Variants in AAMDC observed in about 807,000 individuals in gnomAD.
AAMDC encodes the protein mth938 domain-containing protein.
AAMDC carries 16 observed loss-of-function variants against 15.5 expected under a neutral mutation model. The observed-to-expected ratio is 1.03, with a 90% CI of 0.70 to 1.57. The LOEUF (loss-of-function observed/expected upper bound fraction) is 1.57. AAMDC is among the 40% of genes most tolerant of loss of function. The probability of loss-of-function intolerance (pLI) is 0.00; values close to 1 mark genes in which losing one functional copy is unlikely to be tolerated. For missense variants in AAMDC, 141 were observed against 144.9 expected (o/e 0.97, Z 0.14); for synonymous variants, 51 against 51.6 (o/e 0.99, Z 0.05).
At chr11:77,893,689 T>TA (rs1389289493) in intron 5 of AAMDC, among the ~76,000 whole-genome samples, 4 of 151,990 alleles carry the variant, frequency 2.6e-5, no homozygotes, top group Non-Finnish European at 5.9e-5. Flanking sequence ...GGTCAGGAGT[T>TA]AGAGACCAGC....
At position 77,868,692 on chromosome 11, in the gene AAMDC, GTTGTTGTTT is replaced by G. The variant is rs545867165; in HGVS notation, c.133-1027_133-1019del. On this transcript the variant is annotated intron_variant, in intron 2 of 3. Coordinates refer to ENST00000393427, the MANE Select transcript of AAMDC (RefSeq NM_024684.4). ...AGAGGTTTTTGTTGTTGTTGTTGTT[GTTGTTGTTT>G]TTTAACACAAATTATGGCGTGAATT... 7.3e-3 allele frequency: 1,392 copies of G among 191,710 alleles called. 10 individuals carry two copies. Among genetic ancestry groups the G allele is most frequent in the Non-Finnish European group, 0.011 (965 of 86,964 alleles). The allele number at this position is 191,710 out of a possible 1,614,324, so 11.9% of individuals were successfully genotyped here. A position where few individuals can be genotyped will look rare whatever the true frequency, so the allele number is the denominator to read the frequency against.
At chr11:77,902,793 G>T (rs949720784), downstream of AAMDC, among the ~76,000 whole-genome samples, 3 of 152,160 alleles carry the variant, frequency 2.0e-5, no homozygotes, top group African/African-American at 4.8e-5. Context: ...AAAGGGGAAT[G>T]ACTCAAAGCT....
At chr11:77,823,231 A>G (rs931056576) in intron 1 of AAMDC, among the ~76,000 whole-genome samples, 1 of 150,936 alleles carries the variant, frequency 6.6e-6, no homozygotes, top group Non-Finnish European at 1.5e-5. Flanking sequence ...AAAAAAAAAA[A>G]AAAGAAATTA....
chr11:77,865,452 G>C (rs1307548328), intron 2 of AAMDC, among the ~76,000 whole-genome samples: 1 of 152,188 alleles, frequency 6.6e-6, no homozygotes, highest in African/African-American at 2.4e-5. Flanking sequence ...GCTCTAACTT[G>C]CAAGGAAGAG....
intron 5 of AAMDC, among the ~76,000 whole-genome samples, chr11:77,889,385 G>C (rs560808365): frequency 1.3e-5 from 2 of 149,728 alleles, no homozygotes; most frequent in Middle Eastern, 3.4e-3. Context: ...ATCACACCCC[G>C]GGGACTGTTG....
At chr11:77,891,661 G>C (rs747952837) in intron 5 of AAMDC, 3 of 1,611,274 alleles carry the variant, frequency 1.9e-6, no homozygotes, top group Non-Finnish European at 2.5e-6. Flanking sequence ...TTGGCCTACA[G>C]GGGCCAAATA....
intron 5 of AAMDC, among the ~76,000 whole-genome samples, chr11:77,887,253 C>A (rs1247418749): frequency 6.6e-6 from 1 of 152,164 alleles, no homozygotes; most frequent in African/African-American, 2.4e-5. Context: ...CCCTGGGATG[C>A]AAGGCTGGTT....
At chr11:77,867,243 T>C (rs562920487) in intron 2 of AAMDC, among the ~76,000 whole-genome samples, 1 of 152,332 alleles carries the variant, frequency 6.6e-6, no homozygotes, top group Admixed American at 6.5e-5. Context: ...GTTATCTCTT[T>C]GATAATTTCA....
chr11:77,844,923 A>G (rs1225944282), intron 2 of AAMDC, among the ~76,000 whole-genome samples: 1 of 152,174 alleles, frequency 6.6e-6, no homozygotes, highest in East Asian at 1.9e-4. Flanking sequence ...AGCACTTTCA[A>G]TATGCCATCC....
At chr11:77,848,317 A>AT (rs1478555883) in intron 2 of AAMDC, among the ~76,000 whole-genome samples, 1 of 151,876 alleles carries the variant, frequency 6.6e-6, no homozygotes, top group African/African-American at 2.4e-5. Context: ...GTATATTTCT[A>AT]TTTTTCCCAC....
At chr11:77,826,593 C>G (rs1159176389) in intron 1 of AAMDC, among the ~76,000 whole-genome samples, 3 of 152,162 alleles carry the variant, frequency 2.0e-5, no homozygotes, top group Admixed American at 1.3e-4. Context: ...AGTCGCTACC[C>G]TGAGCCTCCC....
At chr11:77,867,614 C>A (rs899363655) in intron 2 of AAMDC, among the ~76,000 whole-genome samples, 2 of 152,198 alleles carry the variant, frequency 1.3e-5, no homozygotes, top group African/African-American at 4.8e-5. Flanking sequence ...GAAAGGAATG[C>A]TTTGTCTTTG....
At chr11:77,856,481 C>T (rs1305263416) in intron 2 of AAMDC, among the ~76,000 whole-genome samples, 2 of 152,164 alleles carry the variant, frequency 1.3e-5, no homozygotes, top group Non-Finnish European at 2.9e-5. Flanking sequence ...ATACCCCCTT[C>T]CTGGTACCAA....
At chr11:77,862,859 A>C (rs1384790327) in intron 2 of AAMDC, among the ~76,000 whole-genome samples, 2 of 152,256 alleles carry the variant, frequency 1.3e-5, no homozygotes, top group East Asian at 3.9e-4. Flanking sequence ...GAAAAATATA[A>C]GTCGTTTCTT....
At chr11:77,879,270 A>C (rs889858416) in intron 5 of AAMDC, 2 of 833,254 alleles carry the variant, frequency 2.4e-6, no homozygotes, top group Non-Finnish European at 3.7e-6. Context: ...TACCCTCACC[A>C]AACAAAACAC....
chr11:77,882,065 C>T (rs1219393178), intron 5 of AAMDC, among the ~76,000 whole-genome samples: 1 of 152,064 alleles, frequency 6.6e-6, no homozygotes, highest in Non-Finnish European at 1.5e-5. Flanking sequence ...GCACATGCCA[C>T]CATGCCCAGT....
intron 2 of AAMDC, 85 bp downstream of exon 2, chr11:77,842,713 C>A: frequency 2.6e-6 from 4 of 1,541,908 alleles, no homozygotes; most frequent in Non-Finnish European, 3.5e-6. Flanking sequence ...AAGTGAAAAA[C>A]TATTTCTCTT....
intron 5 of AAMDC, among the ~76,000 whole-genome samples, chr11:77,889,088 G>A (rs187421147): frequency 1.6e-3 from 239 of 152,230 alleles, no homozygotes; most frequent in African/African-American, 5.1e-3. Flanking sequence ...TATACCCAAA[G>A]GATTATAAAT....
intron 5 of AAMDC, among the ~76,000 whole-genome samples, chr11:77,880,069 G>T (rs1424484489): frequency 1.3e-5 from 2 of 152,190 alleles, no homozygotes; most frequent in Non-Finnish European, 2.9e-5. Flanking sequence ...AAGAGGGAGA[G>T]AATTTCAGAA....
Sources: allele counts gnomAD v4.1 joint callset (sites outside exome capture counted in the v4.1 genomes callset), GRCh38; gene constraint gnomAD v4.1.1; transcripts MANE v1.5; gene names NCBI Gene and HGNC (gene_info 2026-07-23, HGNC 2026-07-21).